NPAS3: variants seen among roughly 807,000 people sequenced by gnomAD.
The protein encoded by NPAS3 is neuronal PAS domain-containing protein 3.
A neutral mutation model predicts 73.1 loss-of-function variants in NPAS3; 14 were observed. That is an observed-to-expected ratio of 0.19 (90% confidence interval 0.13 to 0.30). NPAS3 has a LOEUF of 0.30. Ranked by LOEUF, NPAS3 falls within the 10% of genes least tolerant of loss-of-function variation. The pLI is 1.00. For synonymous variants in NPAS3, 620 were observed against 541.5 expected, an observed-to-expected ratio of 1.14 and a Z score of -2.01; for missense variants, 1,096 against 1,250.0, an observed-to-expected ratio of 0.88 and a Z score of 1.86.
intron 7 of NPAS3, among the ~76,000 whole-genome samples, chr14:33,755,155 C>G (rs527819234): frequency 6.6e-6 from 1 of 152,174 alleles, no homozygotes; most frequent in South Asian, 2.1e-4. Flanking sequence ...CCTGAAACAT[C>G]GTAGAGTTAT....
chr14:33,201,375 C>A (rs952455508), intron 2 of NPAS3, among the ~76,000 whole-genome samples: 1 of 151,846 alleles, frequency 6.6e-6, no homozygotes, highest in African/African-American at 2.4e-5. Flanking sequence ...TGCCCCATTG[C>A]CCCTGGTGGC....
At chr14:33,228,478 C>G (rs1044729513) in intron 3 of NPAS3, among the ~76,000 whole-genome samples, 7 of 152,116 alleles carry the variant, frequency 4.6e-5, no homozygotes, top group African/African-American at 1.7e-4. Flanking sequence ...GTGAATAGAG[C>G]TGACATTTCC....
chr14:33,326,107 T>A (rs764500629), intron 3 of NPAS3, among the ~76,000 whole-genome samples: 5 of 152,118 alleles, frequency 3.3e-5, no homozygotes, highest in Non-Finnish European at 5.9e-5. Context: ...GATGATACCT[T>A]AATTTAAGGT....
intron 9 of NPAS3, among the ~76,000 whole-genome samples, chr14:33,784,203 A>C (rs745926543): frequency 3.3e-5 from 5 of 152,162 alleles, no homozygotes; most frequent in Admixed American, 6.5e-5. Context: ...TGACTGTATG[A>C]GTGAATATGA....
intron 2 of NPAS3, among the ~76,000 whole-genome samples, chr14:33,127,747 G>A (rs1430856483): frequency 6.6e-6 from 1 of 152,100 alleles, no homozygotes; most frequent in Non-Finnish European, 1.5e-5. Flanking sequence ...GGAGAAAATA[G>A]ATAATCCCAT....
intron 2 of NPAS3, among the ~76,000 whole-genome samples, chr14:33,112,584 A>T (rs192643854): frequency 6.6e-6 from 1 of 152,148 alleles, no homozygotes; most frequent in Non-Finnish European, 1.5e-5. Flanking sequence ...TCAGATGAGT[A>T]GATTGCAAAA....
chr14:33,130,758 G>C (rs1315254076), intron 2 of NPAS3, among the ~76,000 whole-genome samples: 1 of 152,054 alleles, frequency 6.6e-6, no homozygotes, highest in Non-Finnish European at 1.5e-5. Flanking sequence ...TTTTATTCAG[G>C]TTCTTCATTT....
chr14:32,994,759 G>T (rs2038495127), intron 1 of NPAS3, among the ~76,000 whole-genome samples: 1 of 151,748 alleles, frequency 6.6e-6, no homozygotes, highest in Admixed American at 6.6e-5. Flanking sequence ...GGCCTCCCAA[G>T]TAGCTGGGAT....
chr14:33,439,099 T>TA (rs11341900), intron 4 of NPAS3, among the ~76,000 whole-genome samples: 231 of 149,190 alleles, frequency 1.5e-3, no homozygotes, highest in Middle Eastern at 3.5e-3. Flanking sequence ...TACCTGTCTT[T>TA]AAAAAAAAAA....
chr14:33,649,324 C>G (rs896459770), intron 5 of NPAS3, among the ~76,000 whole-genome samples: 1 of 152,170 alleles, frequency 6.6e-6, no homozygotes, highest in Non-Finnish European at 1.5e-5. Flanking sequence ...TTCACCCTGC[C>G]CGTTGACAAA....
In NPAS3 at chr14:33,112,281, C is replaced by A. The variant is rs184009420; in HGVS notation, c.140+56287C>A. 8.3e-3 allele frequency among the ~76,000 whole-genome samples: 1,264 copies of A among 152,278 alleles called. 17 individuals carry two copies. The highest frequency in any genetic ancestry group is 0.028 in the African/African-American group (1,171 of 41,530). ...CAATGGTTGAACTAGTTTACAGTTCCACCAACAGTGTAAAAGTGTTCCTAT... is the reference window on the plus strand; with the variant it reads ...CAATGGTTGAACTAGTTTACAGTTCAACCAACAGTGTAAAAGTGTTCCTAT... On this transcript the variant is annotated intron_variant, in intron 2 of 11. Transcript: ENST00000356141.
chr14:33,070,845 T>G (rs1271101694), intron 2 of NPAS3, among the ~76,000 whole-genome samples: 8 of 152,256 alleles, frequency 5.3e-5, no homozygotes, highest in Admixed American at 2.6e-4. Flanking sequence ...AGGGACTTTG[T>G]GCGACATAGG....
chr14:33,609,753 T>TC (rs1232203624), intron 5 of NPAS3, among the ~76,000 whole-genome samples: 2 of 152,052 alleles, frequency 1.3e-5, no homozygotes, highest in Non-Finnish European at 2.9e-5. Flanking sequence ...TTTTCATCTT[T>TC]CCCCTTTCTT....
At chr14:33,019,407 C>G (rs954905463) in intron 1 of NPAS3, among the ~76,000 whole-genome samples, 7 of 152,132 alleles carry the variant, frequency 4.6e-5, no homozygotes, top group African/African-American at 1.7e-4. Context: ...TTTACCCGCT[C>G]ATTTGTATTT....
At chr14:33,629,820 G>A (rs2058329971) in intron 5 of NPAS3, among the ~76,000 whole-genome samples, 1 of 151,774 alleles carries the variant, frequency 6.6e-6, no homozygotes, top group African/African-American at 2.4e-5. Context: ...GGACTTGGTA[G>A]CTTGTGACTT....
intron 5 of NPAS3, among the ~76,000 whole-genome samples, chr14:33,609,140 C>T (rs566244264): frequency 2.0e-5 from 3 of 151,918 alleles, no homozygotes; most frequent in East Asian, 1.9e-4. Flanking sequence ...CTCATTCTCT[C>T]GTTAAATTAT....
In NPAS3 at chr14:33,522,311, T is replaced by A. The variant is rs116901485; in HGVS notation, c.469-37810T>A. ...TACTAGATTGGAATCCTTATTTTTGTGTTTTTTTAAAAACTTCTTCTCCTT... is the reference window on the plus strand; with the variant it reads ...TACTAGATTGGAATCCTTATTTTTGAGTTTTTTTAAAAACTTCTTCTCCTT... On this transcript the variant is annotated intron_variant, in intron 4 of 11. Coordinates refer to ENST00000356141, the Ensembl canonical transcript of NPAS3. Among the ~76,000 whole-genome samples, 219 of 152,294 alleles carry A rather than the reference T, an allele frequency of 1.4e-3. 3 individuals are homozygous for A. The East Asian group carries it at 0.037, about 26-fold the overall frequency.
intron 6 of NPAS3, among the ~76,000 whole-genome samples, chr14:33,724,574 A>C (rs1040091088): frequency 5.9e-5 from 9 of 152,144 alleles, no homozygotes; most frequent in Non-Finnish European, 1.3e-4. Flanking sequence ...TCGAGGCTAC[A>C]GCTAGCTGTG....
At chr14:33,006,647 C>G (rs1453901058) in intron 1 of NPAS3, among the ~76,000 whole-genome samples, 1 of 152,098 alleles carries the variant, frequency 6.6e-6, no homozygotes, top group Non-Finnish European at 1.5e-5. Flanking sequence ...TATTTTTGGC[C>G]AAATGCAATG....
Sources: gnomAD v4.1 joint callset for allele counts (sites outside exome capture counted in the v4.1 genomes callset) on GRCh38, gnomAD v4.1.1 for gene constraint, MANE v1.5 for transcripts, NCBI Gene and HGNC (gene_info 2026-07-23, HGNC 2026-07-21) for gene names.